Variants in MAP4 observed in about 807,000 individuals in gnomAD.
The protein encoded by MAP4 is microtubule associated protein 4.
In MAP4, 76 loss-of-function variants were observed where a neutral mutation model predicts 170.2. The ratio of observed to expected loss-of-function variants is 0.45; its 90% CI spans 0.37 to 0.54. MAP4 has a LOEUF of 0.54. Among genes scored for constraint, MAP4 ranks in the 20% least tolerant of loss-of-function variants. The probability of loss-of-function intolerance (pLI) is 0.00; values close to 1 mark genes in which losing one functional copy is unlikely to be tolerated. For missense variants in MAP4, 2,506 were observed against 2,748.0 expected (o/e 0.91, Z 1.97); for synonymous variants, 909 against 994.5 (o/e 0.91, Z 1.62).
chr3:47,941,734 C>G (rs1559537343), intron 3 of MAP4, among the ~76,000 whole-genome samples: 2 of 148,514 alleles, frequency 1.3e-5, no homozygotes, highest in African/African-American at 5.0e-5. Flanking sequence ...TTGCAATGAG[C>G]TGAGATCGTG....
intron 17 of MAP4, among the ~76,000 whole-genome samples, chr3:47,863,385 T>C (rs2071773061): frequency 6.6e-6 from 1 of 152,156 alleles, no homozygotes; most frequent in South Asian, 2.1e-4. Context: ...GAGTCTACAA[T>C]CTGCTTCCAA....
chr3:47,864,892 G>A (rs892531583), intron 17 of MAP4, among the ~76,000 whole-genome samples: 14 of 152,034 alleles, frequency 9.2e-5, no homozygotes, highest in Non-Finnish European at 1.8e-4. Flanking sequence ...TTACTATGGT[G>A]CCCAGCTGGG....
intron 1 of MAP4, among the ~76,000 whole-genome samples, chr3:48,073,086 C>T (rs1211816635): frequency 1.3e-5 from 2 of 151,552 alleles, no homozygotes; most frequent in African/African-American, 2.4e-5. Flanking sequence ...GGCACATGCC[C>T]GTAATCCCAC....
At chr3:47,969,622 C>G (rs1303710988) in intron 3 of MAP4, among the ~76,000 whole-genome samples, 1 of 152,190 alleles carries the variant, frequency 6.6e-6, no homozygotes, top group East Asian at 1.9e-4. Context: ...TTTATTCTAG[C>G]TATTGCTACA....
At position 47,917,214 on chromosome 3, in the gene MAP4, C is replaced by T. The variant is rs774733855; in HGVS notation, c.653-40G>A. 15 of 1,536,244 alleles carry T rather than the reference C, an allele frequency of 9.8e-6. No individual in the cohort carries two copies. In the East Asian group the frequency reaches 3.2e-4, roughly 32 times the overall value. ...TAGGACACATCATTGTCTACTCATA[C>T]CTTTGCATTAAAAATGCTTACTTTC... On this transcript the variant is annotated intron_variant, in intron 6 of 20. Coordinates refer to ENST00000683076, the MANE Select transcript of MAP4 (RefSeq NM_001385682.1).
At chr3:48,010,683 G>A (rs960966911) in intron 1 of MAP4, among the ~76,000 whole-genome samples, 1 of 152,152 alleles carries the variant, frequency 6.6e-6, no homozygotes, top group African/African-American at 2.4e-5. Context: ...GTGTATCTGT[G>A]AGGGTGTTGC....
chr3:47,871,161 G>T, intron 14 of MAP4, 56 bp from the exon 15 acceptor site: 1 of 1,611,938 alleles, frequency 6.2e-7, no homozygotes, highest in African/African-American at 1.3e-5. Context: ...GAAAAAGGGA[G>T]ACTTAAGCCA....
At chr3:47,950,989 C>T (rs2100063348) in intron 3 of MAP4, among the ~76,000 whole-genome samples, 1 of 152,190 alleles carries the variant, frequency 6.6e-6, no homozygotes. Context: ...TCATGGTTCA[C>T]ATACTCAACA....
intron 1 of MAP4, among the ~76,000 whole-genome samples, chr3:48,011,134 C>T (rs2100105035): frequency 6.6e-6 from 1 of 152,292 alleles, no homozygotes; most frequent in South Asian, 2.1e-4. Flanking sequence ...AATGCCATCT[C>T]ACACTACTGG....
At position 47,909,982 on chromosome 3, in the gene MAP4, T is replaced by TC; in HGVS notation, c.4438dup (p.Asp1480GlyfsTer2). ...TGGGACTCCATCTTTGGTGTAGTTA[T>TC]CTACCATTAATGATTTGGAAATCTG... On this transcript the variant is annotated frameshift_variant, in exon 9 of 21. Transcript: ENST00000683076. LOFTEE classifies it high-confidence loss of function. 1 of 1,614,020 alleles carries TC rather than the reference T, an allele frequency of 6.2e-7. No homozygotes were observed. The highest frequency in any genetic ancestry group is 8.5e-7 in the Non-Finnish European group (1 of 1,179,880).
intron 5 of MAP4, 95 bp from the exon 6 acceptor site, chr3:47,918,936 G>GTTT: frequency 7.1e-6 from 7 of 980,230 alleles, no homozygotes; most frequent in East Asian, 3.3e-5. Context: ...TGTTTTGTTT[G>GTTT]TTTTTTTTTT....
chr3:47,882,806 A>T (rs1175566061), intron 10 of MAP4, among the ~76,000 whole-genome samples: 1 of 150,048 alleles, frequency 6.7e-6, no homozygotes, highest in Non-Finnish European at 1.5e-5. Context: ...TTTTCTCCCT[A>T]CTTTAATTTT....
chr3:47,928,935 A>G (rs1262873825), intron 3 of MAP4, among the ~76,000 whole-genome samples: 1 of 152,210 alleles, frequency 6.6e-6, no homozygotes, highest in African/African-American at 2.4e-5. Flanking sequence ...TATATTGAAG[A>G]AAGTACAAAA....
chr3:48,032,434 G>A (rs1330351043), intron 1 of MAP4, among the ~76,000 whole-genome samples: 1 of 151,722 alleles, frequency 6.6e-6, no homozygotes, highest in African/African-American at 2.4e-5. Context: ...TCTCGGAGGC[G>A]GAGGTTGCAG....
intron 1 of MAP4, among the ~76,000 whole-genome samples, chr3:48,088,187 A>T (rs1415898523): frequency 9.1e-6 from 1 of 110,268 alleles, no homozygotes; most frequent in Non-Finnish European, 1.8e-5. Context: ...CCCCCACCCT[A>T]ATGTGACCCT....
chr3:47,967,596 G>A (rs967805786), intron 3 of MAP4, among the ~76,000 whole-genome samples: 1 of 152,168 alleles, frequency 6.6e-6, no homozygotes, highest in Non-Finnish European at 1.5e-5. Context: ...AGGCTGCAGT[G>A]AGCCAAGATC....
At chr3:48,058,599 C>T (rs373146774) in intron 1 of MAP4, among the ~76,000 whole-genome samples, 14 of 151,922 alleles carry the variant, frequency 9.2e-5, no homozygotes, top group African/African-American at 3.1e-4. Context: ...AACTGGCATT[C>T]GGTAACAAGA....
intron 3 of MAP4, chr3:47,975,295 A>G: frequency 6.7e-7 from 1 of 1,499,380 alleles, no homozygotes. Context: ...TTGCTCAGGC[A>G]TCAGCAGAAA....
At chr3:47,920,542 TG>T (rs1215044423) in intron 5 of MAP4, among the ~76,000 whole-genome samples, 1 of 126,530 alleles carries the variant, frequency 7.9e-6, no homozygotes, top group South Asian at 2.7e-4. Flanking sequence ...TGCACCCAGA[TG>T]GTTTTTTTTT....
Sources: gnomAD v4.1 joint callset for allele counts (sites outside exome capture counted in the v4.1 genomes callset) on GRCh38, gnomAD v4.1.1 for gene constraint, MANE v1.5 for transcripts, NCBI Gene and HGNC (gene_info 2026-07-23, HGNC 2026-07-21) for gene names.